SBNO1: variants seen among roughly 807,000 people sequenced by gnomAD.
SBNO1 encodes strawberry notch homolog 1.
In SBNO1, 23 loss-of-function variants were observed where a neutral mutation model predicts 173.6. The observed-to-expected ratio is 0.13, with a 90% confidence interval of 0.10 to 0.19. The LOEUF (loss-of-function observed/expected upper bound fraction) is 0.19, where lower values mean the gene tolerates loss of function less well. Ranked by LOEUF, SBNO1 falls within the 10% of genes least tolerant of loss-of-function variation. The probability of loss-of-function intolerance (pLI) is 1.00; values close to 1 mark genes in which losing one functional copy is unlikely to be tolerated. For synonymous variants in SBNO1, 632 were observed against 571.5 expected (o/e 1.11, Z -1.51); for missense variants, 1,238 against 1,671.2 (o/e 0.74, Z 4.52).
intron 3 of SBNO1, among the ~76,000 whole-genome samples, chr12:123,347,189 A>T (rs2139062301): frequency 6.6e-6 from 1 of 152,106 alleles, no homozygotes; most frequent in East Asian, 1.9e-4. Context: ...AAACTATTTC[A>T]CACTAAAAAG....
intron 2 of SBNO1, among the ~76,000 whole-genome samples, chr12:123,348,736 G>T (rs1209286355): frequency 3.3e-5 from 5 of 151,872 alleles, no homozygotes; most frequent in Admixed American, 3.3e-4. Flanking sequence ...ACTGCACTCT[G>T]GACTGGGTGA....
At chr12:123,308,192 C>A (rs1337572175) in intron 28 of SBNO1, among the ~76,000 whole-genome samples, 2 of 151,984 alleles carry the variant, frequency 1.3e-5, no homozygotes, top group African/African-American at 2.4e-5. Context: ...TGAATATCTA[C>A]ATACTGTTGA....
chr12:123,324,848 G>A (rs773802812), intron 15 of SBNO1, among the ~76,000 whole-genome samples: 1 of 151,820 alleles, frequency 6.6e-6, no homozygotes, highest in Non-Finnish European at 1.5e-5. Context: ...CTGCCGCCCA[G>A]AGGGGAGTGG....
At chr12:123,355,151 G>C (rs1204903290) in intron 1 of SBNO1, among the ~76,000 whole-genome samples, 1 of 151,932 alleles carries the variant, frequency 6.6e-6, no homozygotes, top group Non-Finnish European at 1.5e-5. Context: ...CTCCCAGGTG[G>C]CTGAAACTAC....
At chr12:123,362,768 CAAAAAAAAAAAAA>C (rs10587512) in intron 1 of SBNO1, among the ~76,000 whole-genome samples, 1 of 76,504 alleles carries the variant, frequency 1.3e-5, no homozygotes, top group Non-Finnish European at 2.4e-5. Context: ...GACTCCGCCT[CAAAAAAAAAAAAA>C]AAAAAAAAAA....
In SBNO1 at chr12:123,292,985, C is replaced by T. The variant is rs961077245; in HGVS notation, c.*2923G>A. 2 of 152,148 alleles carry T rather than the reference C, an allele frequency of 1.3e-5. No homozygotes were observed. Among genetic ancestry groups the T allele is most frequent in the Non-Finnish European group, 2.9e-5 (2 of 68,018 alleles). The allele number at this position is 152,148 out of a possible 1,614,324, so 9.4% of individuals were successfully genotyped here. On this transcript the variant is annotated 3_prime_UTR_variant, in exon 32 of 32. Transcript: ENST00000602398. ...TAAATGAGGGGAACACTAATTCCCC[C>T]AGAGATAACATCTGAGCTGCTTTAG...
At chr12:123,340,120 C>T (rs1872348163) in intron 5 of SBNO1, among the ~76,000 whole-genome samples, 1 of 152,112 alleles carries the variant, frequency 6.6e-6, no homozygotes, top group African/African-American at 2.4e-5. Flanking sequence ...ATTATTACTA[C>T]TTAATCCAGA....
intron 29 of SBNO1, 38 bp from the exon 30 acceptor site, chr12:123,302,938 G>A (rs1042021805): frequency 2.0e-6 from 3 of 1,476,770 alleles, no homozygotes; most frequent in Non-Finnish European, 1.9e-6. Flanking sequence ...AAACAGTATT[G>A]CTTTAAATAA....
At chr12:123,363,042 C>T (rs554190693) in intron 1 of SBNO1, among the ~76,000 whole-genome samples, 1 of 152,050 alleles carries the variant, frequency 6.6e-6, no homozygotes, top group Non-Finnish European at 1.5e-5. Flanking sequence ...GCTATGACCA[C>T]GTCACTGCAC....
intron 5 of SBNO1, among the ~76,000 whole-genome samples, chr12:123,338,896 ACACACACACACACACGCCCC>A (rs1872193173): frequency 2.4e-4 from 1 of 4,194 alleles, no homozygotes; most frequent in African/African-American, 1.1e-3. Flanking sequence ...ACACCCCGAC[ACACACACACACACACGCCCC>A]CCCCCCCCTC....
At chr12:123,300,534 T>C (rs1440376798) in intron 30 of SBNO1, among the ~76,000 whole-genome samples, 1 of 152,020 alleles carries the variant, frequency 6.6e-6, no homozygotes, top group Admixed American at 6.6e-5. Flanking sequence ...GGCGGGTGCC[T>C]GTAGTCCCAG....
rs987178058 is a variant in SBNO1 at position 123,323,920 on chromosome 12, T to C, written c.1974-89A>G. On this transcript the variant is annotated intron_variant, in intron 15 of 31. Transcript: ENST00000602398. ...ATTAAATATATTGAAATATACTTTG[T>C]TCAGTTTTACAAAATACTGATAAAC... is the stretch of plus-strand genomic sequence containing the variant. 6.8e-6 allele frequency: 7 copies of C among 1,027,022 alleles called. No homozygotes were observed. In the African/African-American group the frequency reaches 1.2e-4, roughly 17 times the overall value. The allele number at this position is 1,027,022 out of a possible 1,614,324, so 63.6% of individuals were successfully genotyped here.
intron 25 of SBNO1, 55 bp downstream of exon 25, chr12:123,311,000 T>C: frequency 3.2e-6 from 4 of 1,246,946 alleles, no homozygotes; most frequent in African/African-American, 1.5e-5. Flanking sequence ...TATATCATAA[T>C]GGACTTTAAT....
intron 7 of SBNO1, among the ~76,000 whole-genome samples, chr12:123,332,701 G>A (rs1871357702): frequency 1.3e-5 from 2 of 151,814 alleles, no homozygotes; most frequent in Non-Finnish European, 2.9e-5. Flanking sequence ...CAAGTAGATG[G>A]CACTAGAGGT....
intron 2 of SBNO1, among the ~76,000 whole-genome samples, chr12:123,348,638 C>T (rs934636107): frequency 6.6e-6 from 1 of 152,078 alleles, no homozygotes; most frequent in African/African-American, 2.4e-5. Flanking sequence ...TGGTGGTGGG[C>T]GCCTGTAGTC....
In SBNO1 at chr12:123,317,327, G is replaced by A. The variant is rs1869398940; in HGVS notation, c.2829C>T (p.Ser943=). Residue 943 remains serine, a synonymous_variant, in exon 21 of 32, where the codon AGC becomes AGT. Transcript: ENST00000602398. ...KNIAIISEAA[S]SGISLQADRR... ...TATCTGCTTGTAATGAAATACCCGA[G>A]CTGGCAGCTTCTGAGATGATAGCAA... 1 of 1,613,938 alleles carries A rather than the reference G, an allele frequency of 6.2e-7. No homozygotes were observed. The highest frequency in any genetic ancestry group is 8.5e-7 in the Non-Finnish European group (1 of 1,179,880).
In SBNO1 at chr12:123,328,004, T is replaced by C. The variant is rs1870780292; in HGVS notation, c.1320A>G (p.Lys440=). 6.2e-7 allele frequency: 1 copy of C among 1,611,988 alleles called. No homozygotes were observed. The highest frequency in any genetic ancestry group is 1.3e-5 in the African/African-American group (1 of 74,888). The change falls in exon 11 of 32, where the codon AAA becomes AAG. Residue 440 remains lysine (K), a synonymous_variant. Coordinates refer to ENST00000602398, the MANE Select transcript of SBNO1 (RefSeq NM_001167856.3). ...AACCAACAGGACATAAGTTTTTGGC[T>C]TTATGACACTCATCAAACACTATCT... The part of the protein sequence containing the change: ...DGVIVFDECH[K]AKNLCPVGSS...
rs1233678438 is a variant in SBNO1 at position 123,293,764 on chromosome 12, C to T, written c.*2144G>A. On this transcript the variant is annotated 3_prime_UTR_variant, in exon 32 of 32. Transcript: ENST00000602398. ...ATCCTCATATGCTGCTTTGAAAACG[C>T]CATAAAAAACTAAGATGCCCTCATA... 1 of 152,154 alleles carries T rather than the reference C, an allele frequency of 6.6e-6. No homozygotes were observed. The highest frequency in any genetic ancestry group is 1.5e-5 in the Non-Finnish European group (1 of 68,028). 9.4% of individuals were successfully genotyped at this position (152,154 alleles called of 1,614,324 possible). A position where few individuals can be genotyped will look rare whatever the true frequency, so the allele number is the denominator to read the frequency against.
chr12:123,364,356 C>A (rs1386797977), intron 1 of SBNO1: 11 of 984,980 alleles, frequency 1.1e-5, no homozygotes, highest in Non-Finnish European at 1.3e-5. Context: ...AAGGGGCGAA[C>A]CCAGCGGAGC....
Sources: gnomAD v4.1 joint callset for allele counts (sites outside exome capture counted in the v4.1 genomes callset) on GRCh38, gnomAD v4.1.1 for gene constraint, MANE v1.5 for transcripts, NCBI Gene and HGNC (gene_info 2026-07-23, HGNC 2026-07-21) for gene names.